The following PCF11 variants were observed in gnomAD, a reference collection of about 807,000 sequenced individuals.
PCF11 encodes the protein pre-mRNA cleavage complex 2 protein Pcf11.
PCF11 carries 19 observed loss-of-function variants against 166.1 expected under a neutral mutation model. The ratio of observed to expected loss-of-function variants is 0.11; its 90% CI spans 0.08 to 0.17. The LOEUF (loss-of-function observed/expected upper bound fraction) is 0.17, where lower values mean the gene tolerates loss of function less well. Ranked by LOEUF, PCF11 falls within the 10% of genes least tolerant of loss-of-function variation. The probability of loss-of-function intolerance (pLI) is 1.00; values close to 1 mark genes in which losing one functional copy is unlikely to be tolerated. For synonymous variants in PCF11, 663 were observed against 644.1 expected, an observed-to-expected ratio of 1.03 and a Z score of -0.44; for missense variants, 1,565 against 1,855.5, an observed-to-expected ratio of 0.84 and a Z score of 2.88.
chr11:83,167,155 T>A lies in PCF11; in HGVS notation c.1848T>A (p.Pro616=), dbSNP rs76726954. The change falls in exon 6 of 16, where the codon CCT becomes CCA. Residue 616 remains proline, a synonymous_variant. Coordinates refer to ENST00000298281, the Ensembl canonical transcript of PCF11. This position sits in a 1 kb window ranked among gnomAD's most constrained non-coding sequence, Gnocchi z 4.2. ...AACAGGTTGATGAACATAGTAAACC[T>A]CCTCATCTGAGGCATAGGGAGAGCT... The A allele has an allele frequency of 6.7e-3, 10,749 of 1,613,414 alleles. 478 individuals carry two copies. In the East Asian group the frequency reaches 0.13, roughly 20 times the overall value.
chr11:83,172,764 G>A (rs1860731982), intron 9 of PCF11, among the ~76,000 whole-genome samples: 1 of 152,166 alleles, frequency 6.6e-6, no homozygotes, highest in South Asian at 2.1e-4. Flanking sequence ...ACATACATTA[G>A]TGATACTTGC....
chr11:83,162,881 T>C (rs1401128532), intron 2 of PCF11, among the ~76,000 whole-genome samples: 1 of 152,182 alleles, frequency 6.6e-6, no homozygotes, highest in African/African-American at 2.4e-5. Flanking sequence ...TTCAAGTGAT[T>C]CTCCTGCCTC....
At chr11:83,159,819 A>G (rs1194570080) in intron 1 of PCF11, among the ~76,000 whole-genome samples, 1 of 152,210 alleles carries the variant, frequency 6.6e-6, no homozygotes, top group African/African-American at 2.4e-5. Context: ...AAGGATTCAC[A>G]CTTAATTTGA....
intron 11 of PCF11, chr11:83,180,087 A>ATTTTTT (rs1175096699): frequency 2.4e-5 from 3 of 124,184 alleles, no homozygotes; most frequent in African/African-American, 9.2e-5. Flanking sequence ...GCTTTATTCT[A>ATTTTTT]TTTTTTTTTT....
At chr11:83,168,876 G>C (rs778990536) in exon 8 of PCF11, 1 of 1,613,552 alleles carries the variant, frequency 6.2e-7, no homozygotes, top group Non-Finnish European at 8.5e-7. Flanking sequence ...GTGGTTTTCG[G>C]TTTGAAGGTT....
rs775240602 is a variant in PCF11 at position 83,167,089 on chromosome 11, A to AG, written c.1818-36_1818-35insG. ...ATGGTCCTGAGTATTTTTTAAAAAA[A>AG]CATTTCAATGTAACATACTGCTTTT... On this transcript the variant is annotated intron_variant, in intron 5 of 15. Transcript: ENST00000298281. This position sits in a 1 kb window ranked among gnomAD's most constrained non-coding sequence, Gnocchi z 4.2. 4.6e-6 allele frequency: 7 copies of AG among 1,518,466 alleles called. No homozygotes were observed. Among genetic ancestry groups the AG allele is most frequent in the Admixed American group, 1.9e-5 (1 of 51,416 alleles). 94.1% of individuals were successfully genotyped at this position (1,518,466 alleles called of 1,614,324 possible). A position where few individuals can be genotyped will look rare whatever the true frequency, so the allele number is the denominator to read the frequency against.
At chr11:83,162,585 G>T (rs189579222) in intron 2 of PCF11, among the ~76,000 whole-genome samples, 1 of 152,280 alleles carries the variant, frequency 6.6e-6, no homozygotes, top group Admixed American at 6.5e-5. Context: ...TCACTTGGGT[G>T]TTTGGTAGCA....
intron 11 of PCF11, chr11:83,180,684 G>A (rs149776004): frequency 4.0e-4 from 69 of 172,360 alleles, no homozygotes; most frequent in African/African-American, 1.5e-3. Flanking sequence ...TGTCCATCTT[G>A]ACTTGACTCC....
At chr11:83,186,417 A>G (rs576823713) in exon 16 of PCF11, 1 of 152,366 alleles carries the variant, frequency 6.6e-6, no homozygotes, top group East Asian at 1.9e-4. Flanking sequence ...TAATTTTTTT[A>G]GTAGAAATGG....
chr11:83,172,923 C>T (rs1860737027), intron 9 of PCF11, among the ~76,000 whole-genome samples: 1 of 152,040 alleles, frequency 6.6e-6, no homozygotes, highest in African/African-American at 2.4e-5. Flanking sequence ...TACATTAGTC[C>T]TTAAATTGTG....
At chr11:83,177,187 C>G (rs1444741864) in exon 10 of PCF11, 5 of 1,559,898 alleles carry the variant, frequency 3.2e-6, no homozygotes, top group Non-Finnish European at 4.3e-6. Flanking sequence ...TTGTCCCAAA[C>G]TGATTCAGCT....
intron 2 of PCF11, 26 bp downstream of exon 2, chr11:83,161,478 C>CG: frequency 6.7e-7 from 1 of 1,482,662 alleles, no homozygotes; most frequent in Non-Finnish European, 9.0e-7. Flanking sequence ...GAAACATTTG[C>CG]GTTTTTTTTT....
At chr11:83,181,812 G>C in intron 12 of PCF11, 42 bp from the exon 13 acceptor site, 1 of 1,448,372 alleles carries the variant, frequency 6.9e-7, no homozygotes, top group Non-Finnish European at 9.3e-7. Flanking sequence ...TAAAAATTTA[G>C]AAATAAATGG....
exon 1 of PCF11, chr11:83,157,179 C>T (rs1388349494): frequency 8.7e-6 from 5 of 575,000 alleles, no homozygotes; most frequent in South Asian, 4.5e-5. Context: ...CTGGAGCCGC[C>T]ACTGCCGCCG....
intron 2 of PCF11, among the ~76,000 whole-genome samples, chr11:83,162,030 A>T (rs1860276982): frequency 6.6e-6 from 1 of 152,180 alleles, no homozygotes; most frequent in Non-Finnish European, 1.5e-5. Flanking sequence ...TTTTGCCCCT[A>T]CCTTAGTGTT....
At chr11:83,186,654 T>C (rs975969530) in exon 16 of PCF11, 1 of 149,818 alleles carries the variant, frequency 6.7e-6, no homozygotes, top group Non-Finnish European at 1.5e-5. Flanking sequence ...ATTTAAGCTT[T>C]TTTATTTTTT....
At chr11:83,172,981 TG>T (rs1860738545) in intron 9 of PCF11, among the ~76,000 whole-genome samples, 1 of 152,206 alleles carries the variant, frequency 6.6e-6, no homozygotes, top group Non-Finnish European at 1.5e-5. Context: ...AATTTCTACA[TG>T]GACAATTATG....
rs759632673 is a variant in PCF11, at chr11:83,166,166, A to G, written c.1269A>G (p.Arg423=). ...AAGATGATGATGTGAAAGAGAAGAGAAAAACTGCAGAAAAAAAGGATAAAG... is the reference window on the plus strand; with the variant it reads ...AAGATGATGATGTGAAAGAGAAGAGGAAAACTGCAGAAAAAAAGGATAAAG... The change falls in exon 5 of 16, where the codon AGA becomes AGG. Residue 423 remains arginine, a synonymous_variant. Coordinates refer to ENST00000298281, the Ensembl canonical transcript of PCF11. 4 of 1,606,616 alleles carry G rather than the reference A, an allele frequency of 2.5e-6. No individual in the cohort carries two copies. In the South Asian group the frequency reaches 3.4e-5, roughly 14 times the overall value.
chr11:83,179,683 C>G lies in PCF11; in HGVS notation c.3984-1325C>G, dbSNP rs56018310. Among the ~76,000 whole-genome samples the G allele has an allele frequency of 3.3e-5, 5 of 152,104 alleles. No individual in the cohort carries two copies. The East Asian group carries it at 9.7e-4, about 30-fold the overall frequency. ...CTTTGGGAGGCTGAGGTGGGCAGAT[C>G]ACCTGAGGTCAGGAGTTCAAGACCA... On this transcript the variant is annotated intron_variant, in intron 11 of 15. Transcript: ENST00000298281.
Sources: allele counts gnomAD v4.1 joint callset (sites outside exome capture counted in the v4.1 genomes callset), GRCh38; gene constraint gnomAD v4.1.1; non-coding constraint Gnocchi (gnomAD v3.1); transcripts MANE v1.5; gene names NCBI Gene and HGNC (gene_info 2026-07-23, HGNC 2026-07-21).